The following NAV1 variants were observed in gnomAD, a reference collection of about 807,000 sequenced individuals.
NAV1 encodes neuron navigator 1.
In NAV1, 18 loss-of-function variants were observed where a neutral mutation model predicts 175.2. The ratio of observed to expected loss-of-function variants is 0.10; its 90% CI spans 0.07 to 0.15. The LOEUF is 0.15. Among genes scored for constraint, NAV1 ranks in the 10% least tolerant of loss-of-function variants. NAV1 has a pLI of 1.00. For missense variants in NAV1, 1,731 were observed against 2,436.6 expected (o/e 0.71, Z 6.10); for synonymous variants, 897 against 978.7 (o/e 0.92, Z 1.56).
Position 201,653,516 on chromosome 1 carries a change from G to T in NAV1, c.757+4091G>T, listed in dbSNP as rs551013678. Reference sequence around the variant, plus strand: ...GAATTTTTTGGGGGGGAGGGGCAGTGCAAGGGGGTCGCTCCAGTGAATGTG... The same window carrying T: ...GAATTTTTTGGGGGGGAGGGGCAGTTCAAGGGGGTCGCTCCAGTGAATGTG... On this transcript the variant is annotated intron_variant, in intron 1 of 29. Transcript: ENST00000367296. Among the ~76,000 whole-genome samples, 44 of 152,246 alleles carry T rather than the reference G, an allele frequency of 2.9e-4. 1 individual carries two copies. The Middle Eastern group carries it at 0.01, about 36-fold the overall frequency.
chr1:201,621,240 G>A (rs900518403), upstream of NAV1, among the ~76,000 whole-genome samples: 4 of 150,350 alleles, frequency 2.7e-5, no homozygotes, highest in South Asian at 2.1e-4. Flanking sequence ...TCTATGGGAT[G>A]TTTGCTTTCA....
rs1006468156 is a variant in NAV1 at position 201,608,469 on chromosome 1, C to T, written c.-32-14384C>T. On this transcript the variant is annotated intron_variant, in intron 2 of 33. Coordinates refer to the NAV1 transcript ENST00000685211. ...CCTGATCAGCCCTTCAAGGCAGAGG[C>T]GACCCCGTTCAGAGATGTTGTGTGG... 7.9e-5 allele frequency among the ~76,000 whole-genome samples: 12 copies of T among 152,124 alleles called. No individual in the cohort carries two copies. The South Asian group carries it at 2.1e-3, about 26-fold the overall frequency.
At chr1:201,642,541 C>CTTTT (rs751245399) in intron 2 of NAV1, among the ~76,000 whole-genome samples, 11 of 105,254 alleles carry the variant, frequency 1.0e-4, no homozygotes, top group East Asian at 2.2e-4. Context: ...TTCTTTCTTT[C>CTTTT]TTTCTTTCTT....
At chr1:201,685,473 C>T (rs981076888) in intron 1 of NAV1, among the ~76,000 whole-genome samples, 1 of 152,170 alleles carries the variant, frequency 6.6e-6, no homozygotes, top group Non-Finnish European at 1.5e-5. Context: ...CTGTAGGAAA[C>T]AGCTTGTAAT....
At chr1:201,656,369 A>T (rs1669403036) in intron 1 of NAV1, among the ~76,000 whole-genome samples, 1 of 152,180 alleles carries the variant, frequency 6.6e-6, no homozygotes, top group African/African-American at 2.4e-5. Flanking sequence ...GTGTGTTCCC[A>T]GCGTTGGTTC....
intron 1 of NAV1, among the ~76,000 whole-genome samples, chr1:201,559,694 T>C (rs556823871): frequency 6.6e-6 from 1 of 152,314 alleles, no homozygotes; most frequent in East Asian, 1.9e-4. Context: ...GCAGTGTCCA[T>C]CCACTTCTCT....
At chr1:201,665,590 A>ACCCCCCCCCCCCCCCCCCC (rs3053790) in intron 1 of NAV1, among the ~76,000 whole-genome samples, 1 of 128,590 alleles carries the variant, frequency 7.8e-6, no homozygotes, top group Non-Finnish European at 1.6e-5. Flanking sequence ...AGAGCACCCC[A>ACCCCCCCCCCCCCCCCCCC]CCCCCCCCAC....
At chr1:201,652,677 AC>A (rs1669252039) in intron 1 of NAV1, among the ~76,000 whole-genome samples, 1 of 151,856 alleles carries the variant, frequency 6.6e-6, no homozygotes, top group South Asian at 2.1e-4. Context: ...AATGGAAGAG[AC>A]CCTCCCATGG....
Position 201,694,105 on chromosome 1 carries a change from C to T in NAV1, c.758-18712C>T, listed in dbSNP as rs1371060710. On this transcript the variant is annotated intron_variant, in intron 1 of 29. Transcript: ENST00000367296. This position sits in a 1 kb window ranked among gnomAD's most constrained non-coding sequence, Gnocchi z 4.2. ...CAGTCAAGACTCTGCTCACGCCTGT[C>T]CCCAGGAGCAAAGCCTTGGCCCGCT... Among the ~76,000 whole-genome samples, 1 of 152,198 alleles carries T rather than the reference C, an allele frequency of 6.6e-6. No individual in the cohort carries two copies. Among genetic ancestry groups the T allele is most frequent in the Non-Finnish European group, 1.5e-5 (1 of 68,042 alleles).
Position 201,569,437 on chromosome 1 carries a change from G to A in NAV1, c.-143-19102G>A, listed in dbSNP as rs144578878. 3.4e-3 allele frequency among the ~76,000 whole-genome samples: 523 copies of A among 152,320 alleles called. 6 individuals carry two copies. The highest frequency in any genetic ancestry group is 0.012 in the African/African-American group (504 of 41,556). ...AACAAATGACTCCAGGGATGTCAAA[G>A]CACACTGGTTTACCCAGCACCAGGG... On this transcript the variant is annotated intron_variant, in intron 1 of 33. Transcript: ENST00000685211.
At chr1:201,548,123 A>T (rs368152334) in intron 1 of NAV1, among the ~76,000 whole-genome samples, 11 of 152,356 alleles carry the variant, frequency 7.2e-5, no homozygotes, top group African/African-American at 2.6e-4. Context: ...AGCACATGCT[A>T]TGCTGTCCCC....
chr1:201,684,913 G>A (rs1047508715), intron 1 of NAV1, among the ~76,000 whole-genome samples: 1 of 149,348 alleles, frequency 6.7e-6, no homozygotes, highest in Non-Finnish European at 1.5e-5. Context: ...AGTGAGCCAC[G>A]ATCATGCTAC....
At chr1:201,780,285 AG>A in intron 3 of NAV1, 135 bp from the exon 8 acceptor site, 1 of 935,300 alleles carries the variant, frequency 1.1e-6, no homozygotes, top group East Asian at 2.5e-5. Context: ...TGACAAACCT[AG>A]GACAAACCCC....
intron 1 of NAV1, among the ~76,000 whole-genome samples, chr1:201,546,604 C>T (rs1222368257): frequency 6.6e-6 from 1 of 152,032 alleles, no homozygotes; most frequent in South Asian, 2.1e-4. Flanking sequence ...TTTTTCTGAG[C>T]CACTTAAGAG....
At chr1:201,744,185 A>T (rs1413145639) in intron 3 of NAV1, among the ~76,000 whole-genome samples, 2 of 152,188 alleles carry the variant, frequency 1.3e-5, no homozygotes, top group Admixed American at 6.5e-5. Flanking sequence ...ACCCGGTCAA[A>T]ACATGATTTT....
intron 1 of NAV1, among the ~76,000 whole-genome samples, chr1:201,695,419 G>A (rs1671149007): frequency 6.6e-6 from 1 of 152,224 alleles, no homozygotes; most frequent in East Asian, 1.9e-4. Flanking sequence ...GAGGGCTCCA[G>A]CCATGCTGGG....
intron 1 of NAV1, among the ~76,000 whole-genome samples, chr1:201,686,486 G>A (rs1389778349): frequency 1.3e-5 from 2 of 152,208 alleles, no homozygotes; most frequent in East Asian, 3.8e-4. Context: ...TGGGGAGCAA[G>A]CCCCTGACTC....
rs1410023339 is a variant in NAV1 at position 201,808,211 on chromosome 1, T to C, written c.3845+62T>C. The C allele has an allele frequency of 1.9e-6, 3 of 1,579,162 alleles. No individual in the cohort carries two copies. The East Asian group carries it at 6.7e-5, about 35-fold the overall frequency. ...ACCAGTGTAAGCTGTGGGCTAGAGT[T>C]GACAGGAGGCCATTAGACCTTAGAC... On this transcript the variant is annotated intron_variant, in intron 18 of 29. Coordinates refer to ENST00000367296, the Ensembl canonical transcript of NAV1. The surrounding 1 kb of genome is among the most constrained non-coding windows in gnomAD (Gnocchi z 5.5).
At chr1:201,570,196 G>A (rs1666491402) in intron 1 of NAV1, among the ~76,000 whole-genome samples, 2 of 152,198 alleles carry the variant, frequency 1.3e-5, no homozygotes, top group Non-Finnish European at 2.9e-5. Flanking sequence ...CCTGGTTGGA[G>A]CCCATGGCCC....
Sources: gnomAD v4.1 joint callset for allele counts (sites outside exome capture counted in the v4.1 genomes callset) on GRCh38, gnomAD v4.1.1 for gene constraint, Gnocchi (gnomAD v3.1) non-coding constraint, MANE v1.5 for transcripts, NCBI Gene and HGNC (gene_info 2026-07-23, HGNC 2026-07-21) for gene names.